The following NELL1 variants were observed in gnomAD, a reference collection of about 807,000 sequenced individuals.
The protein encoded by NELL1 is neural EGFL like 1.
NELL1 carries 76 observed loss-of-function variants against 107.4 expected under a neutral mutation model. That is an observed-to-expected ratio of 0.71 (90% CI 0.59 to 0.86). The LOEUF (loss-of-function observed/expected upper bound fraction) is 0.86, where lower values mean the gene tolerates loss of function less well. Among genes scored for constraint, NELL1 ranks in the 40% least tolerant of loss-of-function variants. The pLI is 0.00. For missense variants in NELL1, 1,024 were observed against 1,005.5 expected (o/e 1.02, Z -0.25); for synonymous variants, 353 against 341.2 (o/e 1.03, Z -0.38).
At chr11:21,288,824 T>A (rs1326801960) in intron 14 of NELL1, among the ~76,000 whole-genome samples, 1 of 152,174 alleles carries the variant, frequency 6.6e-6, no homozygotes, top group African/African-American at 2.4e-5. Context: ...AATCACCTCA[T>A]TCACATGGCT....
At chr11:21,054,481 T>C (rs1853569546) in intron 12 of NELL1, among the ~76,000 whole-genome samples, 2 of 152,092 alleles carry the variant, frequency 1.3e-5, no homozygotes, top group African/African-American at 4.8e-5. Context: ...ATGGATTCTA[T>C]CATTTTAAGG....
chr11:20,875,999 A>C (rs1413204932), intron 4 of NELL1, among the ~76,000 whole-genome samples: 1 of 152,214 alleles, frequency 6.6e-6, no homozygotes, highest in Non-Finnish European at 1.5e-5. Context: ...CCCTGCTCTC[A>C]AACCCCCTCC....
At chr11:21,212,562 A>T (rs1268639821) in intron 13 of NELL1, among the ~76,000 whole-genome samples, 1 of 152,168 alleles carries the variant, frequency 6.6e-6, no homozygotes, top group Non-Finnish European at 1.5e-5. Flanking sequence ...CTACTGAAGT[A>T]AAGTCACTGG....
intron 9 of NELL1, 76 bp downstream of exon 9, chr11:20,928,555 C>A: frequency 8.6e-7 from 1 of 1,159,410 alleles, no homozygotes; most frequent in Non-Finnish European, 1.3e-6. Context: ...TTTTTCTGGA[C>A]TCAACTGATT....
chr11:21,157,156 T>TATA (rs1856259016), intron 13 of NELL1, among the ~76,000 whole-genome samples: 1 of 138,482 alleles, frequency 7.2e-6, no homozygotes, highest in Non-Finnish European at 1.6e-5. Context: ...TATGTATATA[T>TATA]ATATATGTGT....
chr11:21,243,887 A>G lies in NELL1; in HGVS notation c.1549+14433A>G, dbSNP rs964432493. Among the ~76,000 whole-genome samples the G allele has an allele frequency of 2.0e-5, 3 of 152,090 alleles. No homozygotes were observed. In the East Asian group the frequency reaches 5.8e-4, roughly 29 times the overall value. Reference sequence around the variant, plus strand: ...TTAATCTGCACCCTTAAGCACACAAAGGGGTGATCTCTGGAGAGGCAGCAG... The same window carrying G: ...TTAATCTGCACCCTTAAGCACACAAGGGGGTGATCTCTGGAGAGGCAGCAG... On this transcript the variant is annotated intron_variant, in intron 14 of 19. Transcript: ENST00000357134.
intron 12 of NELL1, among the ~76,000 whole-genome samples, chr11:20,997,291 C>T (rs1172895253): frequency 6.6e-6 from 1 of 152,078 alleles, no homozygotes; most frequent in East Asian, 1.9e-4. Context: ...CATGGTAAGA[C>T]TAAACATTAG....
intron 18 of NELL1, among the ~76,000 whole-genome samples, chr11:21,572,487 G>GTATTATGCCATAGATTAATATTA (rs1857121823): frequency 1.3e-5 from 2 of 151,546 alleles, no homozygotes; most frequent in African/African-American, 4.9e-5. Flanking sequence ...GCCATATATT[G>GTATTATGCCATAGATTAATATTA]TAAGGTATTA....
intron 12 of NELL1, among the ~76,000 whole-genome samples, chr11:21,036,820 G>A (rs1463748190): frequency 6.6e-6 from 1 of 151,636 alleles, no homozygotes; most frequent in Non-Finnish European, 1.5e-5. Flanking sequence ...TCCTTTGATA[G>A]GATCTTTTTC....
chr11:20,918,334 C>T, intron 6 of NELL1, 80 bp downstream of exon 6: 1 of 867,524 alleles, frequency 1.2e-6, no homozygotes, highest in Admixed American at 1.9e-5. Flanking sequence ...AAAGATAGAC[C>T]CAAATTGTTT....
intron 16 of NELL1, among the ~76,000 whole-genome samples, chr11:21,557,750 G>A (rs1329849115): frequency 1.3e-5 from 2 of 152,030 alleles, no homozygotes; most frequent in Non-Finnish European, 2.9e-5. Context: ...GAAGGGCAGG[G>A]TTGTGATTAT....
chr11:21,216,631 A>G (rs903569124), intron 13 of NELL1, among the ~76,000 whole-genome samples: 3 of 152,174 alleles, frequency 2.0e-5, no homozygotes, highest in African/African-American at 7.2e-5. Flanking sequence ...AAAGGTTTTA[A>G]TGACTGCCCT....
At position 21,232,179 on chromosome 11, in the gene NELL1, A is replaced by ATATATATATATATATATAT. The variant is rs1565122814; in HGVS notation, c.1549+2725_1549+2726insTATATATATATATATATAT. 1.8e-3 allele frequency among the ~76,000 whole-genome samples: 196 copies of ATATATATATATATATATAT among 111,436 alleles called. 4 individuals carry two copies. The Middle Eastern group carries it at 0.019, about 11-fold the overall frequency. 73.1% of individuals were successfully genotyped at this position (111,436 alleles called of 152,430 possible). A position where few individuals can be genotyped will look rare whatever the true frequency, so the allele number is the denominator to read the frequency against. On this transcript the variant is annotated intron_variant, in intron 14 of 19. Transcript: ENST00000357134. The stretch of plus-strand genomic sequence containing the variant: ...AAAAAAATATATATATATATATATA[A>ATATATATATATATATATAT]ATTAGCTGGGCGTGGTGGTGTCCAC...
intron 4 of NELL1, among the ~76,000 whole-genome samples, chr11:20,874,170 C>T (rs939254536): frequency 2.0e-5 from 3 of 152,144 alleles, no homozygotes; most frequent in South Asian, 2.1e-4. Context: ...TGGGTTTAAG[C>T]GATTCTCCTG....
At chr11:20,978,421 T>C (rs1851684079) in intron 12 of NELL1, among the ~76,000 whole-genome samples, 1 of 149,736 alleles carries the variant, frequency 6.7e-6, no homozygotes, top group Non-Finnish European at 1.5e-5. Context: ...TCCAATATTA[T>C]ATTTGTCTTC....
chr11:20,672,982 C>A (rs983345835), intron 1 of NELL1, among the ~76,000 whole-genome samples: 10 of 105,912 alleles, frequency 9.4e-5, no homozygotes, highest in Admixed American at 5.4e-4. Context: ...CCCCCCCCCC[C>A]CCCCCGAGTA....
chr11:21,499,187 T>A (rs1366245556), intron 15 of NELL1, among the ~76,000 whole-genome samples: 2 of 152,002 alleles, frequency 1.3e-5, no homozygotes, highest in Non-Finnish European at 2.9e-5. Flanking sequence ...TTCCTGAGTT[T>A]TATACAATTT....
intron 1 of NELL1, among the ~76,000 whole-genome samples, chr11:20,675,470 G>A (rs1854031487): frequency 6.6e-6 from 1 of 152,154 alleles, no homozygotes; most frequent in Non-Finnish European, 1.5e-5. Flanking sequence ...TAGATAATCA[G>A]GTCTTAAGTT....
intron 17 of NELL1, among the ~76,000 whole-genome samples, chr11:21,569,879 T>G (rs113131612): frequency 6.6e-6 from 1 of 151,878 alleles, no homozygotes; most frequent in Non-Finnish European, 1.5e-5. Context: ...CTTGCAGCCC[T>G]GAGACTCTTT....
Sources: allele counts gnomAD v4.1 joint callset (sites outside exome capture counted in the v4.1 genomes callset), GRCh38; gene constraint gnomAD v4.1.1; transcripts MANE v1.5; gene names NCBI Gene and HGNC (gene_info 2026-07-23, HGNC 2026-07-21).